The following TENM2 variants were observed in gnomAD, a reference collection of about 807,000 sequenced individuals.
The protein encoded by TENM2 is teneurin-2.
In TENM2, 52 loss-of-function variants were observed where a neutral mutation model predicts 245.2. The observed-to-expected ratio is 0.21, with a 90% CI of 0.17 to 0.27. TENM2 has a LOEUF of 0.27. Ranked by LOEUF, TENM2 falls within the 10% of genes least tolerant of loss-of-function variation. The pLI, the probability that TENM2 is intolerant of heterozygous loss-of-function variation, is 1.00. For synonymous variants in TENM2, 1,363 were observed against 1,438.9 expected, an observed-to-expected ratio of 0.95 and a Z score of 1.19; for missense variants, 3,046 against 3,666.8, an observed-to-expected ratio of 0.83 and a Z score of 4.37.
At chr5:168,258,627 A>T (rs1767904964) in intron 27 of TENM2, among the ~76,000 whole-genome samples, 1 of 152,236 alleles carries the variant, frequency 6.6e-6, no homozygotes, top group African/African-American at 2.4e-5. Flanking sequence ...GAGTGAAAGA[A>T]GCCAGACACA....
intron 6 of TENM2, among the ~76,000 whole-genome samples, chr5:168,047,787 CA>C (rs1788736340): frequency 6.6e-6 from 1 of 152,214 alleles, no homozygotes; most frequent in Non-Finnish European, 1.5e-5. Context: ...GAGCAATGTG[CA>C]TACCTATGCT....
chr5:167,760,301 C>T (rs1762576817), intron 2 of TENM2, among the ~76,000 whole-genome samples: 1 of 152,098 alleles, frequency 6.6e-6, no homozygotes, highest in Admixed American at 6.6e-5. Flanking sequence ...TTAAGTCATC[C>T]CATCTTTTGT....
intron 2 of TENM2, among the ~76,000 whole-genome samples, chr5:167,505,594 G>A (rs1160960488): frequency 1.3e-5 from 2 of 152,190 alleles, no homozygotes; most frequent in East Asian, 3.8e-4. Context: ...TTTGTATGGA[G>A]TTTGGATATT....
At chr5:167,838,923 G>A (rs1010831836) in intron 2 of TENM2, among the ~76,000 whole-genome samples, 4 of 152,162 alleles carry the variant, frequency 2.6e-5, no homozygotes, top group South Asian at 2.1e-4. Context: ...GGCTGAGACC[G>A]CAGGGCGTGG....
chr5:167,571,912 G>A (rs1241410837), intron 2 of TENM2, among the ~76,000 whole-genome samples: 3 of 152,136 alleles, frequency 2.0e-5, no homozygotes, highest in African/African-American at 2.4e-5. Flanking sequence ...AATACACTCT[G>A]CAAAATGTCC....
chr5:167,313,385 TAATCC>T (rs1756156565), intron 1 of TENM2, among the ~76,000 whole-genome samples: 1 of 152,150 alleles, frequency 6.6e-6, no homozygotes, highest in African/African-American at 2.4e-5. Context: ...TCACGCCTTA[TAATCC>T]CAGCACTTTG....
intron 2 of TENM2, among the ~76,000 whole-genome samples, chr5:167,591,221 C>T (rs1775857286): frequency 6.6e-6 from 1 of 152,100 alleles, no homozygotes; most frequent in East Asian, 1.9e-4. Context: ...CATATTTTAC[C>T]AGTTTAGAAT....
At chr5:167,623,020 T>G (rs992845532) in intron 2 of TENM2, among the ~76,000 whole-genome samples, 3 of 152,146 alleles carry the variant, frequency 2.0e-5, no homozygotes, top group African/African-American at 7.2e-5. Flanking sequence ...TTTTAAGCAT[T>G]TCTTTAAAAC....
At chr5:168,154,021 G>A (rs1756888743) in intron 12 of TENM2, among the ~76,000 whole-genome samples, 2 of 152,016 alleles carry the variant, frequency 1.3e-5, no homozygotes, top group South Asian at 4.2e-4. Flanking sequence ...CTGGACTCCA[G>A]TGCAACCGGG....
intron 2 of TENM2, among the ~76,000 whole-genome samples, chr5:167,381,425 T>G (rs1360546773): frequency 6.6e-6 from 1 of 152,182 alleles, no homozygotes; most frequent in African/African-American, 2.4e-5. Context: ...CAACTGCATG[T>G]TAGTCTACAG....
the TENM2 span, among the ~76,000 whole-genome samples, chr5:167,009,369 A>G: frequency 0.52 from 78,951 of 151,964 alleles, 20,832 homozygotes; most frequent in Non-Finnish European, 0.56. Flanking sequence ...TCATATTACT[A>G]TGCCTCAGCT....
chr5:167,545,876 A>C (rs1208868093), intron 2 of TENM2, among the ~76,000 whole-genome samples: 1 of 152,254 alleles, frequency 6.6e-6, no homozygotes. Flanking sequence ...CAGGCCATAC[A>C]TACAAATGAT....
intron 2 of TENM2, among the ~76,000 whole-genome samples, chr5:167,437,044 C>T (rs958834236): frequency 6.6e-6 from 1 of 152,144 alleles, no homozygotes; most frequent in African/African-American, 2.4e-5. Context: ...CCGCCTAGTG[C>T]AGCTGTGAGA....
At chr5:167,618,168 A>G (rs917744867) in intron 2 of TENM2, among the ~76,000 whole-genome samples, 4 of 152,142 alleles carry the variant, frequency 2.6e-5, no homozygotes, top group Admixed American at 6.6e-5. Context: ...AGTGATTAGT[A>G]TTCTAAGCAC....
chr5:167,630,123 A>T (rs1285898817), intron 2 of TENM2, among the ~76,000 whole-genome samples: 2 of 148,622 alleles, frequency 1.3e-5, no homozygotes, highest in African/African-American at 5.0e-5. Flanking sequence ...ACGTCTTAGC[A>T]GCCTCAGCAT....
At chr5:167,904,317 A>G (rs543261212) in intron 3 of TENM2, among the ~76,000 whole-genome samples, 1 of 152,298 alleles carries the variant, frequency 6.6e-6, no homozygotes, top group South Asian at 2.1e-4. Context: ...TACCTGGACA[A>G]TGGTGAGCAA....
intron 2 of TENM2, among the ~76,000 whole-genome samples, chr5:167,720,653 A>C (rs1025482340): frequency 6.6e-6 from 1 of 152,214 alleles, no homozygotes; most frequent in Non-Finnish European, 1.5e-5. Flanking sequence ...GAAATATTGC[A>C]TTTATTTATT....
chr5:167,344,286 A>G (rs1017773594), intron 1 of TENM2, among the ~76,000 whole-genome samples: 88 of 69,786 alleles, frequency 1.3e-3, no homozygotes, highest in Non-Finnish European at 1.9e-3. Flanking sequence ...GTGCACGCAC[A>G]CACACACACA....
the TENM2 span, among the ~76,000 whole-genome samples, chr5:167,035,677 A>C: frequency 6.6e-6 from 1 of 152,236 alleles, no homozygotes; most frequent in Admixed American, 6.5e-5. Flanking sequence ...CAGGGCTTGT[A>C]TTCAAAGTGG....
Sources: allele counts gnomAD v4.1 joint callset (sites outside exome capture counted in the v4.1 genomes callset), GRCh38; gene constraint gnomAD v4.1.1; transcripts MANE v1.5; gene names NCBI Gene and HGNC (gene_info 2026-07-23, HGNC 2026-07-21).